The following CCDC171 variants were observed in gnomAD, a reference collection of about 807,000 sequenced individuals.
The protein encoded by CCDC171 is coiled-coil domain containing 171, also known as coiled-coil domain-containing protein 171.
Under a neutral mutation model 168.2 loss-of-function variants are expected in CCDC171, and 177 were observed. The observed-to-expected ratio is 1.05, with a 90% confidence interval of 0.93 to 1.19. The LOEUF is 1.19. Among genes scored for constraint, CCDC171 ranks in the 50% most tolerant of loss-of-function variants. The pLI is 0.00. For synonymous variants in CCDC171, 687 were observed against 540.8 expected (o/e 1.27, Z -3.75); for missense variants, 1,991 against 1,539.0 (o/e 1.29, Z -4.91).
In CCDC171 at chr9:15,718,360, C is replaced by T. The variant is rs569055655; in HGVS notation, c.1319-3409C>T. Among the ~76,000 whole-genome samples the T allele has an allele frequency of 1.3e-4, 20 of 152,344 alleles. No individual in the cohort carries two copies. The South Asian group carries it at 3.7e-3, about 28-fold the overall frequency. On this transcript the variant is annotated intron_variant, in intron 11 of 25. Coordinates refer to ENST00000380701, the MANE Select transcript of CCDC171 (RefSeq NM_173550.4). ...GGTTTCCAACACCAGGCCTTGGCTTCTGGACAGCATCTCTGGATCTTCCCA... is the reference window on the plus strand; with the variant it reads ...GGTTTCCAACACCAGGCCTTGGCTTTTGGACAGCATCTCTGGATCTTCCCA...
rs183465337 is a variant in CCDC171 at position 16,014,221 on chromosome 9, C to T, written n.369-6368C>T. Among the ~76,000 whole-genome samples, 3 of 152,348 alleles carry T rather than the reference C, an allele frequency of 2.0e-5. No homozygotes were observed. In the East Asian group the frequency reaches 5.8e-4, roughly 29 times the overall value. On this transcript the variant is annotated intron_variant and non_coding_transcript_variant, in intron 3 of 9. Coordinates refer to the CCDC171 transcript ENST00000486641. ...ACAGCATCTTCACCAGGAGTAGATT[C>T]TATTTCAAGAAACCATTCTTCGCTC...
At chr9:16,089,709 A>G in the CCDC171 span, among the ~76,000 whole-genome samples, 552 of 152,170 alleles carry the variant, frequency 3.6e-3, 2 homozygotes, top group Middle Eastern at 0.017. Flanking sequence ...AATATCCAGA[A>G]TCTACAAAGA....
At chr9:15,698,577 T>G (rs2051414520) in intron 11 of CCDC171, among the ~76,000 whole-genome samples, 1 of 152,082 alleles carries the variant, frequency 6.6e-6, no homozygotes, top group Non-Finnish European at 1.5e-5. Flanking sequence ...CCTGGCTTAT[T>G]TAACTTAACA....
intron 3 of CCDC171, among the ~76,000 whole-genome samples, chr9:15,998,118 A>C (rs908999019): frequency 6.6e-6 from 1 of 152,298 alleles, no homozygotes; most frequent in East Asian, 1.9e-4. Flanking sequence ...GGATACACCA[A>C]GTCCCCCAGA....
chr9:16,083,365 A>C, the CCDC171 span, among the ~76,000 whole-genome samples: 1 of 152,190 alleles, frequency 6.6e-6, no homozygotes, highest in Admixed American at 6.5e-5. Context: ...CTTGGGACTT[A>C]CACTCGTAGC....
At chr9:15,808,279 A>C (rs1047773901) in intron 21 of CCDC171, among the ~76,000 whole-genome samples, 36 of 152,160 alleles carry the variant, frequency 2.4e-4, no homozygotes, top group African/African-American at 8.7e-4. Flanking sequence ...AGAAATACAA[A>C]TGGAGGGATG....
intron 23 of CCDC171, among the ~76,000 whole-genome samples, chr9:15,868,881 C>G (rs1195701465): frequency 6.6e-6 from 1 of 151,872 alleles, no homozygotes; most frequent in Non-Finnish European, 1.5e-5. Context: ...GATTGGTTCC[C>G]AAACCTTCTG....
chr9:15,700,975 G>A (rs553403211), intron 11 of CCDC171, among the ~76,000 whole-genome samples: 5 of 151,630 alleles, frequency 3.3e-5, no homozygotes, highest in East Asian at 3.9e-4. Flanking sequence ...TTTGATTTGC[G>A]TTTCCCTAAT....
At chr9:16,074,764 AT>A in the CCDC171 span, among the ~76,000 whole-genome samples, 1 of 152,228 alleles carries the variant, frequency 6.6e-6, no homozygotes, top group Non-Finnish European at 1.5e-5. Flanking sequence ...TATAGGAAGA[AT>A]AAAAATAAAC....
At chr9:15,805,753 T>C (rs2059042866) in intron 21 of CCDC171, among the ~76,000 whole-genome samples, 1 of 152,164 alleles carries the variant, frequency 6.6e-6, no homozygotes, top group African/African-American at 2.4e-5. Context: ...TCTGTGGGCA[T>C]GTGTCAGGTC....
chr9:15,703,107 T>C (rs1028977054), intron 11 of CCDC171, among the ~76,000 whole-genome samples: 6 of 152,158 alleles, frequency 3.9e-5, no homozygotes, highest in Non-Finnish European at 7.4e-5. Flanking sequence ...GGTTTCACCA[T>C]GTTAGCCAGG....
chr9:15,608,991 A>G (rs1240288030), intron 6 of CCDC171, among the ~76,000 whole-genome samples: 1 of 125,414 alleles, frequency 8.0e-6, no homozygotes, highest in Non-Finnish European at 1.7e-5. Flanking sequence ...TTTTTTTAAA[A>G]AATATATTTA....
chr9:15,632,736 A>G (rs2045834518), intron 7 of CCDC171, among the ~76,000 whole-genome samples: 1 of 152,234 alleles, frequency 6.6e-6, no homozygotes, highest in South Asian at 2.1e-4. Context: ...CCAAAAGAAC[A>G]AAGCTGGAGA....
chr9:15,757,993 A>G (rs975123549), intron 18 of CCDC171, among the ~76,000 whole-genome samples: 2 of 152,202 alleles, frequency 1.3e-5, no homozygotes, highest in African/African-American at 4.8e-5. Flanking sequence ...GGGCTCTTAT[A>G]GAGAACCTCT....
intron 7 of CCDC171, among the ~76,000 whole-genome samples, chr9:15,631,793 C>G (rs1043988426): frequency 3.3e-5 from 5 of 152,164 alleles, no homozygotes; most frequent in Non-Finnish European, 5.9e-5. Flanking sequence ...CAAACTGAAT[C>G]CAGCAGCACA....
intron 9 of CCDC171, among the ~76,000 whole-genome samples, chr9:15,669,130 T>C (rs1275836197): frequency 6.6e-6 from 1 of 152,114 alleles, no homozygotes; most frequent in East Asian, 1.9e-4. Flanking sequence ...AAAAAAGCTG[T>C]GTGTATATTG....
intron 24 of CCDC171, among the ~76,000 whole-genome samples, chr9:15,918,986 T>C (rs1824938628): frequency 6.6e-6 from 1 of 151,690 alleles, no homozygotes. Context: ...GCTCCAAATA[T>C]GTATAGGCAG....
rs138972342 is a variant in CCDC171, at chr9:15,814,805, T to C, written c.3267+30111T>C. Among the ~76,000 whole-genome samples, 631 of 152,302 alleles carry C rather than the reference T, an allele frequency of 4.1e-3. 8 individuals are homozygous for C. Among genetic ancestry groups the C allele is most frequent in the African/African-American group, 0.014 (575 of 41,568 alleles). ...AAAAAACAAATCTTCATCATGCAAT[T>C]AATACACATATTTGAGCCTCTACTA... On this transcript the variant is annotated intron_variant, in intron 21 of 25. Coordinates refer to ENST00000380701, the MANE Select transcript of CCDC171 (RefSeq NM_173550.4).
chr9:16,105,842 G>C, the CCDC171 span, among the ~76,000 whole-genome samples: 1 of 152,152 alleles, frequency 6.6e-6, no homozygotes, highest in Non-Finnish European at 1.5e-5. Context: ...GTGTATTTCT[G>C]GGCATGTGTG....
Sources: gnomAD v4.1 joint callset for allele counts (sites outside exome capture counted in the v4.1 genomes callset) on GRCh38, gnomAD v4.1.1 for gene constraint, MANE v1.5 for transcripts, NCBI Gene and HGNC (gene_info 2026-07-23, HGNC 2026-07-21) for gene names.